The following DDX4 variants were observed in gnomAD, a reference collection of about 807,000 sequenced individuals.
The protein encoded by DDX4 is DEAD-box helicase 4.
In DDX4, 25 loss-of-function variants were observed where a neutral mutation model predicts 100.0. The ratio of observed to expected loss-of-function variants is 0.25; its 90% CI spans 0.18 to 0.35. The LOEUF is 0.35. Ranked by LOEUF, DDX4 falls within the 10% of genes least tolerant of loss-of-function variation. The probability of loss-of-function intolerance (pLI) is 1.00; values close to 1 mark genes in which losing one functional copy is unlikely to be tolerated. For synonymous variants in DDX4, 259 were observed against 275.7 expected (o/e 0.94, Z 0.60); for missense variants, 635 against 882.4 (o/e 0.72, Z 3.55).
rs1278098619 is a variant in DDX4 at position 55,785,554 on chromosome 5, A to G, written c.721+60A>G. Reference sequence around the variant, plus strand: ...TGTTGTGTTTTAATAATGCTTAAGTATTTTACTTAAAAACAAAGTTATCTT... The same window carrying G: ...TGTTGTGTTTTAATAATGCTTAAGTGTTTTACTTAAAAACAAAGTTATCTT... On this transcript the variant is annotated intron_variant, in intron 12 of 21. Transcript: ENST00000505374. 7 of 1,402,886 alleles carry G rather than the reference A, an allele frequency of 5.0e-6. No individual in the cohort carries two copies. The African/African-American group carries it at 5.8e-5, about 12-fold the overall frequency. 86.9% of individuals were successfully genotyped at this position (1,402,886 alleles called of 1,614,324 possible). A position where few individuals can be genotyped will look rare whatever the true frequency, so the allele number is the denominator to read the frequency against.
rs1369740484 is a variant in DDX4 at position 55,798,539 on chromosome 5, G to C, written c.1583G>C (p.Arg528Thr). ...CTCCAAGTTGGCCAGTTCTCAAAAA[G>C]AGAAAAGCTCGTTGAAATTCTGCGA... ...TVLQVGQFSK[R>T]EKLVEILRNI... The change falls in exon 18 of 22, where the codon AGA becomes ACA. Residue 528 changes from arginine (R) to threonine (T), a missense_variant. Physicochemically the swap from Arg to Thr is moderately conservative, Grantham distance 71. This residue lies in a region of DDX4 where 115 missense variants were observed against 224.7 expected (regional missense o/e 0.51). Transcript: ENST00000505374. 6.2e-7 allele frequency: 1 copy of C among 1,609,004 alleles called. No individual in the cohort carries two copies. Among genetic ancestry groups the C allele is most frequent in the Admixed American group, 1.7e-5 (1 of 59,520 alleles).
At chr5:55,747,760 C>G (rs933476344) in intron 3 of DDX4, among the ~76,000 whole-genome samples, 1 of 152,190 alleles carries the variant, frequency 6.6e-6, no homozygotes, top group African/African-American at 2.4e-5. Context: ...ATCCTGGCAA[C>G]CACCATCTAC....
chr5:55,758,792 C>A (rs1471035630), intron 3 of DDX4, among the ~76,000 whole-genome samples: 2 of 146,962 alleles, frequency 1.4e-5, no homozygotes, highest in Non-Finnish European at 3.0e-5. Context: ...TAGTTGGTTA[C>A]CCTGGCAAAT....
intron 17 of DDX4, among the ~76,000 whole-genome samples, chr5:55,797,724 T>G (rs938180162): frequency 6.6e-5 from 10 of 152,150 alleles, no homozygotes; most frequent in African/African-American, 2.4e-4. Context: ...TCCCCTATAT[T>G]TCTATGTGAT....
chr5:55,796,036 G>A (rs1241775617), intron 17 of DDX4, among the ~76,000 whole-genome samples: 1 of 152,136 alleles, frequency 6.6e-6, no homozygotes, highest in Non-Finnish European at 1.5e-5. Flanking sequence ...CAAAGAACCT[G>A]GAGTATGATG....
intron 15 of DDX4, 88 bp downstream of exon 15, chr5:55,788,088 A>T: frequency 8.8e-7 from 1 of 1,142,414 alleles, no homozygotes; most frequent in South Asian, 1.8e-5. Flanking sequence ...GTAATAATGC[A>T]CTCATGTAAT....
intron 4 of DDX4, among the ~76,000 whole-genome samples, chr5:55,762,160 G>A (rs1740599841): frequency 6.6e-6 from 1 of 152,036 alleles, no homozygotes; most frequent in African/African-American, 2.4e-5. Flanking sequence ...CCTCTACAAG[G>A]GTTTTACAGA....
Position 55,763,333 on chromosome 5 carries a change from A to G in DDX4, c.283+81A>G, listed in dbSNP as rs1005866994. On this transcript the variant is annotated intron_variant, in intron 5 of 21. Coordinates refer to ENST00000505374, the MANE Select transcript of DDX4 (RefSeq NM_024415.3). ...TGAGTTTAAATACTGATTGACAGACATTCCATATTGACATTTAATTTCAAG... is the reference window on the plus strand; with the variant it reads ...TGAGTTTAAATACTGATTGACAGACGTTCCATATTGACATTTAATTTCAAG... The G allele has an allele frequency of 4.5e-6, 4 of 887,264 alleles. No homozygotes were observed. In the Admixed American group the frequency reaches 5.2e-5, roughly 11 times the overall value. 55.0% of individuals were successfully genotyped at this position (887,264 alleles called of 1,614,324 possible).
chr5:55,749,098 GA>G (rs1759400662), intron 3 of DDX4, among the ~76,000 whole-genome samples: 1 of 152,020 alleles, frequency 6.6e-6, no homozygotes, highest in South Asian at 2.1e-4. Flanking sequence ...AAAATTAAGC[GA>G]AAACAATTTC....
rs1290265347 is a variant in DDX4 at position 55,785,288 on chromosome 5, C to T, written c.626-9C>T. 6.3e-6 allele frequency: 10 copies of T among 1,577,442 alleles called. No homozygotes were observed. The highest frequency in any genetic ancestry group is 8.7e-6 in the Non-Finnish European group (10 of 1,148,394). On this transcript the variant is annotated splice_polypyrimidine_tract_variant and intron_variant, in intron 10 of 21. Transcript: ENST00000505374. ...TTGACCGATTGTCACTTATGAATTTCTTTAATAGGTGGTTACAAAGGTTTA... is the reference window on the plus strand; with the variant it reads ...TTGACCGATTGTCACTTATGAATTTTTTTAATAGGTGGTTACAAAGGTTTA...
chr5:55,810,353 C>T (rs1356153384), intron 18 of DDX4, among the ~76,000 whole-genome samples: 1 of 152,190 alleles, frequency 6.6e-6, no homozygotes, highest in Non-Finnish European at 1.5e-5. Flanking sequence ...GATCCGCCCG[C>T]CTTGGCCTCC....
Position 55,816,640 on chromosome 5 carries a change from C to T in DDX4, c.*100C>T, listed in dbSNP as rs1744437865. The T allele has an allele frequency of 2.0e-6, 3 of 1,517,718 alleles. No individual in the cohort carries two copies. Among genetic ancestry groups the T allele is most frequent in the Admixed American group, 2.2e-5 (1 of 45,638 alleles). The allele number at this position is 1,517,718 out of a possible 1,614,324, so 94.0% of individuals were successfully genotyped here. ...AGTATAAAACTTAACATTCTCATAG[C>T]TCCTGTCCTTGTATTCTCACTCCTA... On this transcript the variant is annotated 3_prime_UTR_variant, in exon 22 of 22. Coordinates refer to ENST00000505374, the MANE Select transcript of DDX4 (RefSeq NM_024415.3).
At chr5:55,788,281 C>T (rs1742358223) in intron 15 of DDX4, among the ~76,000 whole-genome samples, 1 of 151,996 alleles carries the variant, frequency 6.6e-6, no homozygotes, top group African/African-American at 2.4e-5. Flanking sequence ...TCGAGACCAG[C>T]CAGGGTAACA....
At chr5:55,799,899 T>C (rs1224953935) in intron 18 of DDX4, among the ~76,000 whole-genome samples, 1 of 152,166 alleles carries the variant, frequency 6.6e-6, no homozygotes, top group Non-Finnish European at 1.5e-5. Context: ...GTTCATCAGC[T>C]AATTTCCAAT....
chr5:55,794,963 C>CTTT (rs537421129), intron 17 of DDX4, among the ~76,000 whole-genome samples: 5 of 140,876 alleles, frequency 3.5e-5, no homozygotes, highest in Admixed American at 7.1e-5. Flanking sequence ...AGCCCCAGAC[C>CTTT]TTTTTTTTTT....
chr5:55,742,240 A>C (rs1457733792), intron 2 of DDX4: 1 of 456,148 alleles, frequency 2.2e-6, no homozygotes, highest in Non-Finnish European at 4.4e-6. Context: ...TGAGTGTTAG[A>C]ATGGATGGGT....
chr5:55,778,990 T>G (rs1424387364), intron 7 of DDX4, among the ~76,000 whole-genome samples: 1 of 152,060 alleles, frequency 6.6e-6, no homozygotes, highest in African/African-American at 2.4e-5. Flanking sequence ...ACATAGTTGA[T>G]AAAATTAAGA....
At chr5:55,756,495 T>G (rs1759945806) in intron 3 of DDX4, among the ~76,000 whole-genome samples, 1 of 152,178 alleles carries the variant, frequency 6.6e-6, no homozygotes, top group South Asian at 2.1e-4. Flanking sequence ...TGCCCCTAAG[T>G]CTTTTCTCAT....
intron 10 of DDX4, among the ~76,000 whole-genome samples, chr5:55,782,983 T>C (rs547250125): frequency 6.6e-6 from 1 of 151,816 alleles, no homozygotes; most frequent in East Asian, 2.0e-4. Flanking sequence ...TTAGTAGAGA[T>C]GGGGTTTCAC....
Sources: gnomAD v4.1 joint callset for allele counts (sites outside exome capture counted in the v4.1 genomes callset) on GRCh38, gnomAD v4.1.1 for gene constraint, gnomAD v4.1.1 regional missense constraint, MANE v1.5 for transcripts, NCBI Gene and HGNC (gene_info 2026-07-23, HGNC 2026-07-21) for gene names.